RAB11FIP3: variants seen among roughly 807,000 people sequenced by gnomAD.
The protein encoded by RAB11FIP3 is RAB11 family interacting protein 3.
Under a neutral mutation model 77.8 loss-of-function variants are expected in RAB11FIP3, and 17 were observed. The observed-to-expected ratio is 0.22, with a 90% confidence interval of 0.15 to 0.33. The LOEUF is 0.33. RAB11FIP3 is among the 10% of genes least tolerant of loss of function. RAB11FIP3 has a pLI of 1.00. For missense variants in RAB11FIP3, 1,005 were observed against 1,011.2 expected (o/e 0.99, Z 0.08); for synonymous variants, 437 against 448.2 (o/e 0.98, Z 0.31).
intron 6 of RAB11FIP3, chr16:497,433 C>T: frequency 1.6e-6 from 2 of 1,246,108 alleles, no homozygotes; most frequent in Non-Finnish European, 2.1e-6. Context: ...GCCGGGTGGC[C>T]TCTGCTGCCG....
At chr16:434,748 C>G (rs1243750583) in intron 1 of RAB11FIP3, among the ~76,000 whole-genome samples, 1 of 151,616 alleles carries the variant, frequency 6.6e-6, no homozygotes, top group African/African-American at 2.4e-5. Context: ...CTAAGGTTTA[C>G]TTGTCCCCAG....
chr16:497,245 G>A (rs1487903297), intron 6 of RAB11FIP3: 2 of 1,302,636 alleles, frequency 1.5e-6, no homozygotes, highest in African/African-American at 1.5e-5. Flanking sequence ...CGAAGGTGAG[G>A]GATGGGTCTG....
intron 4 of RAB11FIP3, among the ~76,000 whole-genome samples, chr16:486,649 C>T (rs183264726): frequency 6.6e-6 from 1 of 152,350 alleles, no homozygotes; most frequent in Non-Finnish European, 1.5e-5. Context: ...CATACAGTCT[C>T]TGCCGTGTGG....
intron 5 of RAB11FIP3, chr16:491,102 C>A (rs899281634): frequency 4.7e-6 from 6 of 1,280,794 alleles, no homozygotes; most frequent in Admixed American, 4.6e-5. Flanking sequence ...GGGTCCTCAT[C>A]CTCTCCTGAA....
intron 1 of RAB11FIP3, among the ~76,000 whole-genome samples, chr16:446,987 C>G (rs1389292321): frequency 6.6e-6 from 1 of 151,952 alleles, no homozygotes; most frequent in Non-Finnish European, 1.5e-5. Context: ...GCGTGAGCCA[C>G]CATGCCCGGC....
intron 1 of RAB11FIP3, among the ~76,000 whole-genome samples, chr16:446,341 C>A (rs192641370): frequency 1.4e-4 from 22 of 152,236 alleles, no homozygotes; most frequent in Admixed American, 8.5e-4. Context: ...ACAGTGGTAC[C>A]CAGAGAGGCA....
intron 9 of RAB11FIP3, among the ~76,000 whole-genome samples, chr16:511,599 C>T (rs1419353233): frequency 3.2e-4 from 29 of 89,578 alleles, no homozygotes; most frequent in African/African-American, 1.3e-3. Context: ...CCCGACGGCC[C>T]GCCAACCCCA....
At chr16:469,977 T>C (rs1404039335) in intron 2 of RAB11FIP3, among the ~76,000 whole-genome samples, 1 of 152,122 alleles carries the variant, frequency 6.6e-6, no homozygotes, top group African/African-American at 2.4e-5. Flanking sequence ...GTCCAGCTGA[T>C]TTTTTTCTTT....
In RAB11FIP3 at chr16:437,570, C is replaced by CAA. The variant is rs34184576; in HGVS notation, c.714+10871_714+10872dup. On this transcript the variant is annotated intron_variant, in intron 1 of 13. Transcript: ENST00000262305. Reference sequence around the variant, plus strand: ...GGACAACAAGGGTGAAACTCCATCTCAAAAAAAAAAAAAAAAAAAAAAGTC... The same window carrying CAA: ...GGACAACAAGGGTGAAACTCCATCTCAAAAAAAAAAAAAAAAAAAAAAAAGTC... Among the ~76,000 whole-genome samples, 370 of 58,284 alleles carry CAA rather than the reference C, an allele frequency of 6.3e-3. 3 individuals carry two copies. Among genetic ancestry groups the CAA allele is most frequent in the Middle Eastern group, 0.028 (3 of 108 alleles). The allele number at this position is 58,284 out of a possible 152,430, so 38.2% of individuals were successfully genotyped here. A position where few individuals can be genotyped will look rare whatever the true frequency, so the allele number is the denominator to read the frequency against.
intron 4 of RAB11FIP3, among the ~76,000 whole-genome samples, chr16:488,151 T>C (rs1044636454): frequency 6.6e-6 from 1 of 152,076 alleles, no homozygotes; most frequent in Non-Finnish European, 1.5e-5. Context: ...GAGGCCGAGG[T>C]GGGTGGATCA....
At chr16:480,294 A>AG (rs1567381606) in intron 3 of RAB11FIP3, among the ~76,000 whole-genome samples, 9 of 151,142 alleles carry the variant, frequency 6.0e-5, no homozygotes, top group African/African-American at 1.5e-4. Flanking sequence ...TCCAAAAAAA[A>AG]AAAAAAAAAA....
At chr16:470,647 T>C (rs1234844627) in intron 2 of RAB11FIP3, among the ~76,000 whole-genome samples, 2 of 152,182 alleles carry the variant, frequency 1.3e-5, no homozygotes, top group Admixed American at 1.3e-4. Flanking sequence ...GCCAGTGCCT[T>C]TTCCTACAGG....
At chr16:436,163 A>G (rs1472826675) in intron 1 of RAB11FIP3, among the ~76,000 whole-genome samples, 3 of 152,130 alleles carry the variant, frequency 2.0e-5, no homozygotes, top group Non-Finnish European at 2.9e-5. Context: ...ACAAAAAATT[A>G]GCCGGGCGTG....
chr16:509,357 CAT>C (rs1245518848), intron 8 of RAB11FIP3, among the ~76,000 whole-genome samples: 1 of 152,262 alleles, frequency 6.6e-6, no homozygotes, highest in African/African-American at 2.4e-5. Context: ...TCTGCTGCAT[CAT>C]GTGTCTCCCT....
At chr16:490,174 C>G in intron 5 of RAB11FIP3, among the ~76,000 whole-genome samples, 1 of 152,256 alleles carries the variant, frequency 6.6e-6, no homozygotes, top group South Asian at 2.1e-4. Flanking sequence ...TTTCACCTTT[C>G]TTTACTTGAG....
At position 505,353 on chromosome 16, in the gene RAB11FIP3, A is replaced by C. The variant is rs1371383724; in HGVS notation, c.1396-171A>C. 1.3e-5 allele frequency among the ~76,000 whole-genome samples: 2 copies of C among 152,102 alleles called. No homozygotes were observed. Among genetic ancestry groups the C allele is most frequent in the Admixed American group, 6.5e-5 (1 of 15,272 alleles). On this transcript the variant is annotated intron_variant, in intron 7 of 13. Transcript: ENST00000262305. This position sits in a 1 kb window ranked among gnomAD's most constrained non-coding sequence, Gnocchi z 4.0. ...TCCCCAAGACCCCGGCCCCATTAGGAGCTGCACCTTTGTGGGTTTATGGGA... is the reference window on the plus strand; with the variant it reads ...TCCCCAAGACCCCGGCCCCATTAGGCGCTGCACCTTTGTGGGTTTATGGGA...
chr16:457,477 G>A (rs1487927055), intron 1 of RAB11FIP3, among the ~76,000 whole-genome samples: 4 of 151,606 alleles, frequency 2.6e-5, no homozygotes, highest in Non-Finnish European at 5.9e-5. Context: ...ATTTTGCAGG[G>A]AAGGGCAGGC....
chr16:443,834 G>C (rs1326602301), intron 1 of RAB11FIP3, among the ~76,000 whole-genome samples: 1 of 152,236 alleles, frequency 6.6e-6, no homozygotes, highest in Non-Finnish European at 1.5e-5. Flanking sequence ...AAAGTGCTGG[G>C]ATTACAGGCA....
At chr16:445,113 C>A (rs866042920) in intron 1 of RAB11FIP3, among the ~76,000 whole-genome samples, 1,411 of 70,344 alleles carry the variant, frequency 0.02, no homozygotes, top group Middle Eastern at 0.044. Context: ...GACTCTGTCT[C>A]AAAAAAAAAA....
Sources: gnomAD v4.1 joint callset for allele counts (sites outside exome capture counted in the v4.1 genomes callset) on GRCh38, gnomAD v4.1.1 for gene constraint, Gnocchi (gnomAD v3.1) non-coding constraint, MANE v1.5 for transcripts, NCBI Gene and HGNC (gene_info 2026-07-23, HGNC 2026-07-21) for gene names.